The following RBFOX1 variants were observed in gnomAD, a reference collection of about 807,000 sequenced individuals.
RBFOX1 encodes the protein RNA binding protein fox-1 homolog 1.
In RBFOX1, 8 loss-of-function variants were observed where a neutral mutation model predicts 57.7. That is an observed-to-expected ratio of 0.14 (90% confidence interval 0.08 to 0.25). The LOEUF (loss-of-function observed/expected upper bound fraction) is 0.25, where lower values mean the gene tolerates loss of function less well. Among genes scored for constraint, RBFOX1 ranks in the 10% least tolerant of loss-of-function variants. The pLI is 1.00. For synonymous variants in RBFOX1, 326 were observed against 222.4 expected (o/e 1.47, Z -4.15); for missense variants, 611 against 548.5 (o/e 1.11, Z -1.14).
At chr16:6,120,948 G>C (rs147836327) in intron 1 of RBFOX1, among the ~76,000 whole-genome samples, 2 of 152,348 alleles carry the variant, frequency 1.3e-5, no homozygotes, top group East Asian at 3.9e-4. Context: ...GAAACAGCTT[G>C]TTCTTCCTGC....
intron 2 of RBFOX1, among the ~76,000 whole-genome samples, chr16:5,518,346 A>C (rs183282527): frequency 7.5e-6 from 1 of 133,816 alleles, no homozygotes; most frequent in Non-Finnish European, 1.7e-5. Context: ...TTCAATCTCC[A>C]AAGTGACATT....
chr16:5,367,826 G>GGGTC (rs936525295), intron 1 of RBFOX1, among the ~76,000 whole-genome samples: 20 of 152,140 alleles, frequency 1.3e-4, no homozygotes, highest in African/African-American at 4.3e-4. Context: ...TCTTAAACCT[G>GGGTC]GGTCTGTCTG....
intron 4 of RBFOX1, among the ~76,000 whole-genome samples, chr16:5,892,370 T>C (rs1020347341): frequency 2.6e-5 from 4 of 152,194 alleles, no homozygotes; most frequent in African/African-American, 9.6e-5. Context: ...TTTCATTGCT[T>C]ACTTCCTGGA....
chr16:6,727,424 TC>T (rs1213245819), intron 3 of RBFOX1, among the ~76,000 whole-genome samples: 1 of 152,140 alleles, frequency 6.6e-6, no homozygotes, highest in East Asian at 1.9e-4. Flanking sequence ...GGTTTTTTTT[TC>T]TTTTTTTCCT....
chr16:6,603,353 T>C (rs1326407021), intron 2 of RBFOX1, among the ~76,000 whole-genome samples: 1 of 152,218 alleles, frequency 6.6e-6, no homozygotes, highest in Non-Finnish European at 1.5e-5. Flanking sequence ...GCTTGATGTA[T>C]ACAACTAAAG....
rs545082797 is a variant in RBFOX1 at position 7,688,081 on chromosome 16, AAC to A, written c.995+11245_995+11246del. ...GGCTAAAAACCTCTGCCTTATAAAC[AAC>A]AGATATCCCAATACGTACAGGTAGA... is the stretch of plus-strand genomic sequence containing the variant. On this transcript the variant is annotated intron_variant, in intron 14 of 15. Transcript: ENST00000550418. Among the ~76,000 whole-genome samples, 211 of 152,164 alleles carry A rather than the reference AAC, an allele frequency of 1.4e-3. 1 individual carries two copies. The highest frequency in any genetic ancestry group is 2.5e-3 in the Non-Finnish European group (170 of 67,970).
chr16:5,540,864 T>A (rs2044911410), intron 2 of RBFOX1, among the ~76,000 whole-genome samples: 1 of 152,170 alleles, frequency 6.6e-6, no homozygotes, highest in African/African-American at 2.4e-5. Flanking sequence ...TTATTTTATG[T>A]TTTTAGACAG....
At chr16:5,432,247 T>A (rs2067761455) in intron 1 of RBFOX1, among the ~76,000 whole-genome samples, 1 of 152,084 alleles carries the variant, frequency 6.6e-6, no homozygotes, top group African/African-American at 2.4e-5. Flanking sequence ...AATCGGCCTG[T>A]AAAAATAAAA....
At chr16:6,478,706 TAAGGAATGGGAAGGCC>T (rs2095323840) in intron 2 of RBFOX1, among the ~76,000 whole-genome samples, 1 of 151,796 alleles carries the variant, frequency 6.6e-6, no homozygotes, top group African/African-American at 2.4e-5. Flanking sequence ...TGTTGTGCCT[TAAGGAATGGGAAGGCC>T]AAGGAGAGGG....
At chr16:6,476,553 A>G (rs571225537) in intron 2 of RBFOX1, among the ~76,000 whole-genome samples, 3 of 152,184 alleles carry the variant, frequency 2.0e-5, no homozygotes, top group African/African-American at 7.2e-5. Flanking sequence ...AAAAGACTTT[A>G]TTGCTAAAAT....
At chr16:6,817,813 A>C (rs1240059589) in intron 3 of RBFOX1, among the ~76,000 whole-genome samples, 1 of 152,154 alleles carries the variant, frequency 6.6e-6, no homozygotes, top group African/African-American at 2.4e-5. Flanking sequence ...TATTAACTAT[A>C]ACTCAAGAAT....
At chr16:5,993,067 G>A (rs961673671) in intron 4 of RBFOX1, among the ~76,000 whole-genome samples, 1 of 152,166 alleles carries the variant, frequency 6.6e-6, no homozygotes, top group East Asian at 1.9e-4. Flanking sequence ...TTACCCACAG[G>A]CCCTCTCAAA....
intron 3 of RBFOX1, among the ~76,000 whole-genome samples, chr16:6,670,856 C>T (rs1433749908): frequency 4.6e-5 from 7 of 151,922 alleles, no homozygotes; most frequent in South Asian, 2.1e-4. Context: ...AAAAATTAGC[C>T]GGGCATGGTG....
chr16:5,548,168 A>ATATATATATATATATATATAT (rs1256241961), intron 2 of RBFOX1, among the ~76,000 whole-genome samples: 3 of 57,174 alleles, frequency 5.2e-5, no homozygotes, highest in Non-Finnish European at 1.2e-4. Context: ...TAAAAAAAAA[A>ATATATATATATATATATATAT]AAAAAAATAT....
intron 4 of RBFOX1, among the ~76,000 whole-genome samples, chr16:5,888,056 C>G (rs1020054120): frequency 1.3e-5 from 2 of 152,212 alleles, no homozygotes; most frequent in African/African-American, 4.8e-5. Context: ...TCCTGCAAGA[C>G]TGCCCTCCTG....
At chr16:5,993,848 A>C (rs1323260606) in intron 4 of RBFOX1, among the ~76,000 whole-genome samples, 2 of 152,166 alleles carry the variant, frequency 1.3e-5, no homozygotes, top group Admixed American at 1.3e-4. Flanking sequence ...TAATTAATAT[A>C]GGATAGGTAA....
chr16:5,777,062 A>G lies in RBFOX1; in HGVS notation c.319-90241A>G, dbSNP rs553332325. Among the ~76,000 whole-genome samples, 16 of 152,332 alleles carry G rather than the reference A, an allele frequency of 1.1e-4. No homozygotes were observed. The South Asian group carries it at 3.3e-3, about 32-fold the overall frequency. ...GCCTGCTGGCTGCTCTAATGCCCTG[A>G]CGTCATCCATTGCTGCTGGAGCAAA... On this transcript the variant is annotated intron_variant, in intron 3 of 19. Transcript: ENST00000641259.
At chr16:5,254,151 C>T (rs1415399556) in intron 1 of RBFOX1, among the ~76,000 whole-genome samples, 1 of 152,122 alleles carries the variant, frequency 6.6e-6, no homozygotes, top group Non-Finnish European at 1.5e-5. Context: ...GATGGCATGC[C>T]CATTTTACAG....
chr16:7,534,086 C>CTTTTCTTTTTT (rs1555561495), intron 5 of RBFOX1, among the ~76,000 whole-genome samples: 1 of 129,924 alleles, frequency 7.7e-6, no homozygotes, highest in Non-Finnish European at 1.6e-5. Flanking sequence ...CGTTTTTTTT[C>CTTTTCTTTTTT]TTTTTTTTTT....
Sources: gnomAD v4.1 joint callset for allele counts (sites outside exome capture counted in the v4.1 genomes callset) on GRCh38, gnomAD v4.1.1 for gene constraint, MANE v1.5 for transcripts, NCBI Gene and HGNC (gene_info 2026-07-23, HGNC 2026-07-21) for gene names.